NFIB: variants seen among roughly 807,000 people sequenced by gnomAD.
NFIB encodes nuclear factor I B.
In NFIB, 11 loss-of-function variants were observed where a neutral mutation model predicts 61.5. The ratio of observed to expected loss-of-function variants is 0.18; its 90% CI spans 0.11 to 0.30. The LOEUF is 0.30. Ranked by LOEUF, NFIB falls within the 10% of genes least tolerant of loss-of-function variation. NFIB has a pLI of 1.00. For missense variants in NFIB, 471 were observed against 608.9 expected, an observed-to-expected ratio of 0.77 and a Z score of 2.38; for synonymous variants, 260 against 216.5, an observed-to-expected ratio of 1.20 and a Z score of -1.76.
the NFIB span, among the ~76,000 whole-genome samples, chr9:14,493,854 C>A: frequency 6.6e-6 from 1 of 152,162 alleles, no homozygotes; most frequent in African/African-American, 2.4e-5. Flanking sequence ...TGGGGAAGGT[C>A]TTTTGCGGCA....
chr9:14,348,657 G>A (rs1431307311), intron 1 of NFIB, among the ~76,000 whole-genome samples: 1 of 152,232 alleles, frequency 6.6e-6, no homozygotes, highest in East Asian at 1.9e-4. Context: ...CGCAATACTG[G>A]CAGCAGTGGG....
At chr9:14,531,727 T>G in the NFIB span, among the ~76,000 whole-genome samples, 1 of 151,932 alleles carries the variant, frequency 6.6e-6, no homozygotes, top group African/African-American at 2.4e-5. Context: ...ATGCTGCCTT[T>G]TTAAAAAGAA....
At chr9:14,089,446 TAA>T (rs967507003) in intron 10 of NFIB, among the ~76,000 whole-genome samples, 1 of 150,190 alleles carries the variant, frequency 6.7e-6, no homozygotes. Flanking sequence ...ATATGGAGGA[TAA>T]AAAAAATCAG....
At chr9:14,195,007 C>T (rs2048325116) in intron 2 of NFIB, among the ~76,000 whole-genome samples, 2 of 152,030 alleles carry the variant, frequency 1.3e-5, no homozygotes, top group African/African-American at 2.4e-5. Context: ...AGCTTCTCCA[C>T]AATGTTCTAT....
Position 14,313,994 on chromosome 9 carries a change from G to C in NFIB, c.-483C>G. 2 of 1,055,230 alleles carry C rather than the reference G, an allele frequency of 1.9e-6. No individual in the cohort carries two copies. The highest frequency in any genetic ancestry group is 2.3e-6 in the Non-Finnish European group (2 of 874,896). 65.4% of individuals were successfully genotyped at this position (1,055,230 alleles called of 1,614,324 possible). A position where few individuals can be genotyped will look rare whatever the true frequency, so the allele number is the denominator to read the frequency against. On this transcript the variant is annotated 5_prime_UTR_variant, in exon 1 of 11. Coordinates refer to ENST00000380953, the MANE Select transcript of NFIB (RefSeq NM_001190737.2). This position sits in a 1 kb window ranked among gnomAD's most constrained non-coding sequence, Gnocchi z 4.5. ...CAGGAGGGCGAGCGGGCGGGCGGGA[G>C]GGAGAGCGGGGAGAATGTGTCACCG... is the stretch of plus-strand genomic sequence containing the variant.
the NFIB span, among the ~76,000 whole-genome samples, chr9:14,513,887 G>A: frequency 6.6e-5 from 10 of 152,170 alleles, no homozygotes; most frequent in African/African-American, 2.4e-4. Flanking sequence ...AGGATTACAT[G>A]AGGTAATATA....
At chr9:14,335,745 T>C (rs1255299452) in intron 1 of NFIB, among the ~76,000 whole-genome samples, 1 of 152,220 alleles carries the variant, frequency 6.6e-6, no homozygotes, top group East Asian at 1.9e-4. Context: ...ACATTTTGCT[T>C]AATCCAACAT....
At chr9:14,104,771 C>T (rs1394440730) in intron 10 of NFIB, among the ~76,000 whole-genome samples, 2 of 151,186 alleles carry the variant, frequency 1.3e-5, no homozygotes, top group Admixed American at 6.6e-5. Context: ...AAAATTGTAG[C>T]GATAAGATCT....
the NFIB span, among the ~76,000 whole-genome samples, chr9:14,456,535 A>G: frequency 6.6e-6 from 1 of 152,218 alleles, no homozygotes; most frequent in Non-Finnish European, 1.5e-5. Context: ...TAAAATATCA[A>G]CACATAGTTC....
At chr9:14,198,730 G>A (rs1164050777) in intron 2 of NFIB, among the ~76,000 whole-genome samples, 1 of 152,214 alleles carries the variant, frequency 6.6e-6, no homozygotes, top group Non-Finnish European at 1.5e-5. Context: ...CCCGCACATT[G>A]TTCTCAGCCA....
intron 1 of NFIB, among the ~76,000 whole-genome samples, chr9:14,384,896 T>C (rs576172703): frequency 1.3e-4 from 20 of 152,282 alleles, no homozygotes; most frequent in African/African-American, 4.8e-4. Flanking sequence ...TTTTCCTAAA[T>C]CTTACTGTAG....
At chr9:14,211,922 ATGATCTCTCCAC>A (rs1435888097) in intron 2 of NFIB, among the ~76,000 whole-genome samples, 1 of 152,256 alleles carries the variant, frequency 6.6e-6, no homozygotes. Context: ...CGTTTAAAGA[ATGATCTCTCCAC>A]TGACCAGAAT....
intron 2 of NFIB, among the ~76,000 whole-genome samples, chr9:14,206,651 AT>A (rs2049758958): frequency 7.2e-6 from 1 of 138,954 alleles, no homozygotes; most frequent in Non-Finnish European, 1.5e-5. Context: ...AAGAGACCCT[AT>A]GCTATCATAT....
chr9:14,272,115 G>A (rs944587532), intron 2 of NFIB, among the ~76,000 whole-genome samples: 1 of 152,160 alleles, frequency 6.6e-6, no homozygotes, highest in South Asian at 2.1e-4. Flanking sequence ...GTAACATTTT[G>A]CTAATATTTC....
intron 9 of NFIB, 50 bp from the exon 10 acceptor site, chr9:14,113,131 C>T (rs758460187): frequency 1.9e-5 from 28 of 1,502,078 alleles, no homozygotes; most frequent in South Asian, 3.7e-5. Context: ...ACTATCAGAA[C>T]GAACACCCTG....
At chr9:14,297,514 T>TAACA (rs897332983) in intron 2 of NFIB, among the ~76,000 whole-genome samples, 12 of 152,078 alleles carry the variant, frequency 7.9e-5, no homozygotes, top group Admixed American at 7.9e-4. Flanking sequence ...AACACAACAG[T>TAACA]AACAAACAAA....
intron 2 of NFIB, among the ~76,000 whole-genome samples, chr9:14,184,810 C>G (rs1264358910): frequency 1.3e-5 from 2 of 152,062 alleles, no homozygotes; most frequent in Non-Finnish European, 2.9e-5. Flanking sequence ...TACTTGAGGC[C>G]AGGAGTTTGA....
At chr9:14,293,740 G>A (rs985245881) in intron 2 of NFIB, among the ~76,000 whole-genome samples, 7 of 152,076 alleles carry the variant, frequency 4.6e-5, no homozygotes, top group African/African-American at 1.7e-4. Context: ...AAGTTCACAA[G>A]ATATTAACAC....
At chr9:14,450,815 G>A in the NFIB span, among the ~76,000 whole-genome samples, 1 of 152,162 alleles carries the variant, frequency 6.6e-6, no homozygotes, top group African/African-American at 2.4e-5. Flanking sequence ...TTTGTTCAGA[G>A]ATTCTCATAT....
Sources: gnomAD v4.1 joint callset for allele counts (sites outside exome capture counted in the v4.1 genomes callset) on GRCh38, gnomAD v4.1.1 for gene constraint, Gnocchi (gnomAD v3.1) non-coding constraint, MANE v1.5 for transcripts, NCBI Gene and HGNC (gene_info 2026-07-23, HGNC 2026-07-21) for gene names.